LEKR1: variants seen among roughly 807,000 people sequenced by gnomAD.
LEKR1 encodes the protein leucine, glutamate and lysine rich 1, also known as protein LEKR1.
In LEKR1, 59 loss-of-function variants were observed where a neutral mutation model predicts 72.4. That is an observed-to-expected ratio of 0.82 (90% CI 0.66 to 1.01). The LOEUF is 1.01. Ranked by LOEUF, LEKR1 falls within the 50% of genes least tolerant of loss-of-function variation. The pLI is 0.00. For synonymous variants in LEKR1, 257 were observed against 263.2 expected, an observed-to-expected ratio of 0.98 and a Z score of 0.23; for missense variants, 728 against 759.2, an observed-to-expected ratio of 0.96 and a Z score of 0.48.
At chr3:156,908,631 C>T (rs1258897956) in intron 3 of LEKR1, among the ~76,000 whole-genome samples, 1 of 152,164 alleles carries the variant, frequency 6.6e-6, no homozygotes, top group Non-Finnish European at 1.5e-5. Flanking sequence ...ACAAAATGTT[C>T]TAGGCTTATC....
chr3:157,033,111 T>A (rs1356334771), intron 12 of LEKR1, among the ~76,000 whole-genome samples: 2 of 152,146 alleles, frequency 1.3e-5, no homozygotes, highest in Non-Finnish European at 2.9e-5. Context: ...CAGTCCTCCA[T>A]CTCTCTTCTG....
intron 3 of LEKR1, among the ~76,000 whole-genome samples, chr3:156,862,680 C>A (rs1716902280): frequency 6.6e-6 from 1 of 152,036 alleles, no homozygotes; most frequent in African/African-American, 2.4e-5. Flanking sequence ...ACTTGGATAT[C>A]TAAATATTGA....
Position 156,992,634 on chromosome 3 carries a change from T to G in LEKR1, c.828-19T>G, listed in dbSNP as rs1731227079. ...TTATTTTGAAATAATATATTTTAAC[T>G]TCTTTTGTATTATTTTAGGAATAAA... On this transcript the variant is annotated intron_variant, in intron 7 of 12. Transcript: ENST00000356539. The G allele has an allele frequency of 1.9e-6, 1 of 513,522 alleles. No individual in the cohort carries two copies. Among genetic ancestry groups the G allele is most frequent in the South Asian group, 2.7e-5 (1 of 37,672 alleles). 31.8% of individuals were successfully genotyped at this position (513,522 alleles called of 1,614,324 possible).
In LEKR1 at chr3:157,033,584, G is replaced by T. The variant is rs28844694; in HGVS notation, c.1668+5182G>T. On this transcript the variant is annotated intron_variant, in intron 12 of 12. Coordinates refer to ENST00000356539, the MANE Select transcript of LEKR1 (RefSeq NM_001004316.3). ...GAAAAATTGGAAGCTAGCAGTGGTA[G>T]GTTTATGAGGTTCAAGACAAGAAGC... 6.6e-3 allele frequency among the ~76,000 whole-genome samples: 1,000 copies of T among 152,272 alleles called. 6 individuals carry two copies. Among genetic ancestry groups the T allele is most frequent in the Admixed American group, 0.012 (185 of 15,292 alleles).
rs1431716965 is a variant in LEKR1, at chr3:156,882,609, C to A, written c.263+29627C>A. 2.6e-5 allele frequency among the ~76,000 whole-genome samples: 4 copies of A among 152,302 alleles called. No homozygotes were observed. The South Asian group carries it at 6.2e-4, about 24-fold the overall frequency. On this transcript the variant is annotated intron_variant, in intron 3 of 12. Coordinates refer to ENST00000356539, the MANE Select transcript of LEKR1 (RefSeq NM_001004316.3). ...GTCAGTGTGGCAATTCCTCAGGGAT[C>A]TAGAACTAGAAATACCATTTGACCT... is the stretch of plus-strand genomic sequence containing the variant.
At chr3:157,030,382 G>A (rs1173745405) in intron 12 of LEKR1, among the ~76,000 whole-genome samples, 4 of 152,152 alleles carry the variant, frequency 2.6e-5, no homozygotes, top group Admixed American at 6.5e-5. Flanking sequence ...TGCCAGGCAC[G>A]TGTTAGATAG....
chr3:157,024,748 T>G lies in LEKR1; in HGVS notation c.1204-12T>G. 1 of 1,591,230 alleles carries G rather than the reference T, an allele frequency of 6.3e-7. No homozygotes were observed. The highest frequency in any genetic ancestry group is 2.2e-5 in the East Asian group (1 of 44,588). On this transcript the variant is annotated splice_polypyrimidine_tract_variant and intron_variant, in intron 10 of 12. Coordinates refer to ENST00000356539, the MANE Select transcript of LEKR1 (RefSeq NM_001004316.3). The stretch of plus-strand genomic sequence containing the variant: ...AAAATAGTTTTACATGTGCTTTAAA[T>G]GCCATTTCTAGATTGAAGCAGAACT...
At chr3:156,831,921 A>C (rs1277648850) in intron 2 of LEKR1, among the ~76,000 whole-genome samples, 1 of 152,126 alleles carries the variant, frequency 6.6e-6, no homozygotes, top group Non-Finnish European at 1.5e-5. Context: ...ATTTTTGCAA[A>C]GACAGTTTTA....
At chr3:157,005,857 C>T (rs986482844) in intron 9 of LEKR1, among the ~76,000 whole-genome samples, 2 of 151,888 alleles carry the variant, frequency 1.3e-5, no homozygotes, top group African/African-American at 2.4e-5. Flanking sequence ...CATAAACATC[C>T]TAATAAAAAA....
intron 3 of LEKR1, among the ~76,000 whole-genome samples, chr3:156,895,651 C>T (rs1721106561): frequency 6.6e-6 from 1 of 152,028 alleles, no homozygotes; most frequent in Admixed American, 6.6e-5. Context: ...AAATAAACAC[C>T]ACAGTGAGAT....
intron 3 of LEKR1, among the ~76,000 whole-genome samples, chr3:156,917,099 A>G (rs571719937): frequency 7.9e-5 from 12 of 152,154 alleles, no homozygotes; most frequent in Non-Finnish European, 1.3e-4. Context: ...GAAAAGGGGC[A>G]ATTAAAAAAG....
chr3:156,890,886 G>T (rs1203927622), intron 3 of LEKR1, among the ~76,000 whole-genome samples: 8 of 146,072 alleles, frequency 5.5e-5, no homozygotes, highest in African/African-American at 2.0e-4. Flanking sequence ...TTGAGATGGA[G>T]TCTCACTCTG....
intron 9 of LEKR1, among the ~76,000 whole-genome samples, chr3:157,007,276 T>A (rs1249014772): frequency 6.6e-6 from 1 of 152,088 alleles, no homozygotes; most frequent in Middle Eastern, 3.4e-3. Context: ...CTACAGACCA[T>A]AAGGAAGTTG....
intron 9 of LEKR1, among the ~76,000 whole-genome samples, chr3:156,994,406 T>C (rs1199808916): frequency 2.6e-5 from 4 of 152,138 alleles, no homozygotes; most frequent in African/African-American, 9.7e-5. Context: ...CTCTCGTCCG[T>C]CCTGGGATGA....
At chr3:156,963,335 G>T (rs1029129862) in intron 6 of LEKR1, among the ~76,000 whole-genome samples, 4 of 152,016 alleles carry the variant, frequency 2.6e-5, no homozygotes, top group African/African-American at 9.7e-5. Flanking sequence ...TAACACCTAC[G>T]TGGGCACACT....
intron 2 of LEKR1, among the ~76,000 whole-genome samples, chr3:156,838,940 G>A (rs144609698): frequency 1.3e-5 from 2 of 152,204 alleles, no homozygotes; most frequent in Admixed American, 6.5e-5. Flanking sequence ...AACGAGGATG[G>A]CCATGCCACA....
intron 6 of LEKR1, among the ~76,000 whole-genome samples, chr3:156,971,752 A>G (rs1216479871): frequency 6.6e-6 from 1 of 152,226 alleles, no homozygotes; most frequent in South Asian, 2.1e-4. Context: ...GCTCATCATC[A>G]CTGGCCATCA....
At chr3:156,946,651 G>A (rs1378811765) in intron 6 of LEKR1, among the ~76,000 whole-genome samples, 2 of 151,312 alleles carry the variant, frequency 1.3e-5, no homozygotes, top group Non-Finnish European at 3.0e-5. Flanking sequence ...TATCACGATG[G>A]CATGTTGAAT....
intron 2 of LEKR1, among the ~76,000 whole-genome samples, chr3:156,851,019 C>T (rs1312251586): frequency 3.3e-5 from 5 of 152,082 alleles, no homozygotes; most frequent in Admixed American, 1.3e-4. Context: ...GAACGTATTA[C>T]AATGATATTA....
Sources: gnomAD v4.1 joint callset for allele counts (sites outside exome capture counted in the v4.1 genomes callset) on GRCh38, gnomAD v4.1.1 for gene constraint, MANE v1.5 for transcripts, NCBI Gene and HGNC (gene_info 2026-07-23, HGNC 2026-07-21) for gene names.